SYN2: variants seen among roughly 807,000 people sequenced by gnomAD.
SYN2 encodes the protein synapsin-2.
A neutral mutation model predicts 50.9 loss-of-function variants in SYN2; 19 were observed. That is an observed-to-expected ratio of 0.37 (90% CI 0.26 to 0.55). The LOEUF is 0.55. SYN2 is among the 20% of genes least tolerant of loss of function. SYN2 has a pLI of 0.81. For synonymous variants in SYN2, 255 were observed against 224.9 expected (o/e 1.13, Z -1.20); for missense variants, 587 against 576.4 (o/e 1.02, Z -0.19).
chr3:12,153,788 G>A (rs1270168616), intron 5 of SYN2: 33 of 1,513,668 alleles, frequency 2.2e-5, no homozygotes, highest in African/African-American at 2.8e-5. Context: ...AGATTCCTAC[G>A]TACCTTTCCA....
chr3:12,171,685 T>C (rs1319274538), intron 10 of SYN2, among the ~76,000 whole-genome samples: 2 of 152,238 alleles, frequency 1.3e-5, no homozygotes, highest in Non-Finnish European at 2.9e-5. Flanking sequence ...TTGCCACTGC[T>C]TCACCAGGTG....
chr3:12,134,253 A>G (rs1696849879), intron 1 of SYN2, among the ~76,000 whole-genome samples: 1 of 152,324 alleles, frequency 6.6e-6, no homozygotes, highest in East Asian at 1.9e-4. Context: ...TAGATGAAAA[A>G]GATTGGTAAA....
intron 2 of SYN2, among the ~76,000 whole-genome samples, chr3:12,141,580 G>A (rs1268295483): frequency 6.6e-6 from 1 of 152,148 alleles, no homozygotes; most frequent in Admixed American, 6.5e-5. Flanking sequence ...CCACATTCTC[G>A]CTCTGTAGAG....
chr3:12,047,862 G>C (rs1224711407), intron 1 of SYN2, among the ~76,000 whole-genome samples: 2 of 152,198 alleles, frequency 1.3e-5, no homozygotes, highest in Non-Finnish European at 2.9e-5. Flanking sequence ...TGTTTAATTT[G>C]AAGAAAGCAT....
In SYN2 at chr3:12,167,930, A is replaced by G. The variant is rs60056705; in HGVS notation, c.1056-446A>G. Among the ~76,000 whole-genome samples, 754 of 152,332 alleles carry G rather than the reference A, an allele frequency of 4.9e-3. 8 individuals carry two copies. The highest frequency in any genetic ancestry group is 0.017 in the African/African-American group (703 of 41,570). Reference sequence around the variant, plus strand: ...GCAAAGGTCACCCTTGCCACTCCATAGCAAAGAACTTGGCCGCATTGTGTC... The same window carrying G: ...GCAAAGGTCACCCTTGCCACTCCATGGCAAAGAACTTGGCCGCATTGTGTC... On this transcript the variant is annotated intron_variant, in intron 8 of 12. Transcript: ENST00000621198.
chr3:12,086,944 A>T (rs1436547301), intron 1 of SYN2, among the ~76,000 whole-genome samples: 1 of 152,132 alleles, frequency 6.6e-6, no homozygotes, highest in East Asian at 1.9e-4. Flanking sequence ...GATATTATAT[A>T]TTTTTTAAAA....
At chr3:12,134,964 A>C (rs911703122) in intron 1 of SYN2, among the ~76,000 whole-genome samples, 1 of 152,236 alleles carries the variant, frequency 6.6e-6, no homozygotes, top group Non-Finnish European at 1.5e-5. Context: ...CTGGATGCTC[A>C]GTAAATTTTT....
At chr3:12,181,977 G>T (rs1468777190) in intron 10 of SYN2, among the ~76,000 whole-genome samples, 1 of 152,178 alleles carries the variant, frequency 6.6e-6, no homozygotes, top group Non-Finnish European at 1.5e-5. Context: ...ACTTGTGGGG[G>T]TTGAGGGTTA....
chr3:12,130,209 CAG>C (rs1007403878), intron 1 of SYN2, among the ~76,000 whole-genome samples: 1 of 148,172 alleles, frequency 6.7e-6, no homozygotes, highest in African/African-American at 2.5e-5. Flanking sequence ...CATATATACA[CAG>C]AGAGATGTGT....
intron 1 of SYN2, among the ~76,000 whole-genome samples, chr3:12,049,032 T>A (rs116713946): frequency 6.6e-6 from 1 of 152,320 alleles, no homozygotes; most frequent in Non-Finnish European, 1.5e-5. Context: ...AGATGTGAAA[T>A]TAGAAGCCCT....
chr3:12,122,894 A>G (rs377392121), intron 1 of SYN2, among the ~76,000 whole-genome samples: 5 of 152,160 alleles, frequency 3.3e-5, no homozygotes, highest in African/African-American at 1.2e-4. Flanking sequence ...AAAAACAAGA[A>G]AGAACATGAT....
At chr3:12,068,648 A>G (rs561663191) in intron 1 of SYN2, among the ~76,000 whole-genome samples, 45 of 152,002 alleles carry the variant, frequency 3.0e-4, no homozygotes, top group African/African-American at 1.0e-3. Flanking sequence ...TTATCAGTAG[A>G]TTTAAATTTT....
At chr3:12,111,458 T>A (rs976955245) in intron 1 of SYN2, among the ~76,000 whole-genome samples, 4 of 152,328 alleles carry the variant, frequency 2.6e-5, no homozygotes, top group African/African-American at 9.6e-5. Flanking sequence ...ATTTTGACCC[T>A]CAATAAAGGT....
chr3:12,087,882 A>G (rs577045193), intron 1 of SYN2, among the ~76,000 whole-genome samples: 1 of 152,276 alleles, frequency 6.6e-6, no homozygotes, highest in East Asian at 1.9e-4. Flanking sequence ...ATCTACATGC[A>G]AAAGAATGAA....
chr3:12,188,233 C>A (rs1037497635), intron 12 of SYN2, among the ~76,000 whole-genome samples: 2 of 152,234 alleles, frequency 1.3e-5, no homozygotes, highest in Non-Finnish European at 2.9e-5. Flanking sequence ...TGGGTTCCCC[C>A]ACACCCAGCA....
chr3:12,027,743 T>G (rs1279056511), intron 1 of SYN2, among the ~76,000 whole-genome samples: 1 of 152,164 alleles, frequency 6.6e-6, no homozygotes, highest in Non-Finnish European at 1.5e-5. Flanking sequence ...GGATTTGAAT[T>G]TTTGTCTGAA....
rs144109307 is a variant in SYN2 at position 12,040,930 on chromosome 3, A to G, written c.377+36002A>G. ...TTCTCTTCTATAACCTTTAACTGAG[A>G]GGTACTTTCTTAGAGCTGGAGCTTG... On this transcript the variant is annotated intron_variant, in intron 1 of 12. Transcript: ENST00000621198. 3.2e-3 allele frequency among the ~76,000 whole-genome samples: 485 copies of G among 152,228 alleles called. 9 individuals are homozygous for G. Among genetic ancestry groups the G allele is most frequent in the Admixed American group, 0.027 (410 of 15,304 alleles).
chr3:12,154,247 A>G lies in SYN2; in HGVS notation c.774+2921A>G. The G allele has an allele frequency of 8.2e-6, 13 of 1,590,700 alleles. 1 individual carries two copies. In the South Asian group the frequency reaches 1.3e-4, roughly 16 times the overall value. On this transcript the variant is annotated intron_variant, in intron 5 of 12. Transcript: ENST00000621198. ...TGCAGATCTCAAGTATAGTCTAGTA[A>G]GTGAATAAATTCATGCATGAATGAA...
intron 1 of SYN2, among the ~76,000 whole-genome samples, chr3:12,088,915 G>C (rs1695768633): frequency 6.6e-6 from 1 of 152,188 alleles, no homozygotes; most frequent in Non-Finnish European, 1.5e-5. Context: ...AAAGGGTGCA[G>C]AGTTTCAGTT....
Sources: allele counts gnomAD v4.1 joint callset (sites outside exome capture counted in the v4.1 genomes callset), GRCh38; gene constraint gnomAD v4.1.1; transcripts MANE v1.5; gene names NCBI Gene and HGNC (gene_info 2026-07-23, HGNC 2026-07-21).